SEL1L2: variants seen among roughly 807,000 people sequenced by gnomAD.
SEL1L2 encodes SEL1L2 adaptor subunit of SYVN1 ubiquitin ligase.
Under a neutral mutation model 98.8 loss-of-function variants are expected in SEL1L2, and 89 were observed. The observed-to-expected ratio is 0.90, with a 90% CI of 0.76 to 1.07. SEL1L2 has a LOEUF of 1.07. Among genes scored for constraint, SEL1L2 ranks in the 50% least tolerant of loss-of-function variants. The pLI is 0.00. For synonymous variants in SEL1L2, 262 were observed against 278.5 expected (o/e 0.94, Z 0.59); for missense variants, 788 against 812.0 (o/e 0.97, Z 0.36).
chr20:13,934,773 C>T (rs1292166840), intron 2 of SEL1L2, among the ~76,000 whole-genome samples: 10 of 151,544 alleles, frequency 6.6e-5, no homozygotes, highest in Admixed American at 3.3e-4. Context: ...ATGCCAACAT[C>T]TGTTTTTTTT....
upstream of SEL1L2, among the ~76,000 whole-genome samples, chr20:13,994,238 G>C (rs1187925198): frequency 7.0e-6 from 1 of 142,192 alleles, no homozygotes; most frequent in Non-Finnish European, 1.5e-5. Flanking sequence ...AGAGGTTGCA[G>C]TGAGCTGAGA....
At position 13,963,427 on chromosome 20, in the gene SEL1L2, T is replaced by C. The variant is rs1047313179; in HGVS notation, c.59-7296A>G. Among the ~76,000 whole-genome samples, 51 of 101,548 alleles carry C rather than the reference T, an allele frequency of 5.0e-4. No individual in the cohort carries two copies. In the Admixed American group the frequency reaches 5.4e-3, roughly 11 times the overall value. The allele number at this position is 101,548 out of a possible 152,430, so 66.6% of individuals were successfully genotyped here. On this transcript the variant is annotated intron_variant, in intron 1 of 19. Transcript: ENST00000284951. ...AAAAAAAAAAAAAAAAAAATCAGAGTAACAATAGGCCAGGTGCGGTGGCTC... is the reference window on the plus strand; with the variant it reads ...AAAAAAAAAAAAAAAAAAATCAGAGCAACAATAGGCCAGGTGCGGTGGCTC...
intron 5 of SEL1L2, among the ~76,000 whole-genome samples, chr20:13,901,648 T>TA (rs200610526): frequency 0.012 from 1,799 of 151,958 alleles, 35 homozygotes; most frequent in African/African-American, 0.041. Flanking sequence ...TTTTTTAAAT[T>TA]TTTTTTGCAA....
chr20:13,955,987 T>C (rs2050518048), intron 2 of SEL1L2, 89 bp downstream of exon 2: 25 of 710,384 alleles, frequency 3.5e-5, no homozygotes, highest in Admixed American at 7.6e-5. Context: ...AAAGAGACAA[T>C]AGTTAATAAT....
chr20:13,863,225 G>A (rs1990453699), intron 17 of SEL1L2, among the ~76,000 whole-genome samples: 1 of 152,150 alleles, frequency 6.6e-6, no homozygotes, highest in African/African-American at 2.4e-5. Flanking sequence ...TTCCTCCTGG[G>A]CTATAACCAC....
chr20:13,922,468 T>C (rs748217408), intron 3 of SEL1L2, among the ~76,000 whole-genome samples: 1 of 152,232 alleles, frequency 6.6e-6, no homozygotes, highest in South Asian at 2.1e-4. Flanking sequence ...TGTATCTTCC[T>C]GACACACATA....
At chr20:13,941,797 A>C (rs2049790609) in intron 2 of SEL1L2, among the ~76,000 whole-genome samples, 1 of 152,204 alleles carries the variant, frequency 6.6e-6, no homozygotes, top group Non-Finnish European at 1.5e-5. Context: ...GTCATATTTG[A>C]TATGGAATGG....
At chr20:13,920,997 A>T (rs2048642703) in intron 3 of SEL1L2, among the ~76,000 whole-genome samples, 1 of 152,180 alleles carries the variant, frequency 6.6e-6, no homozygotes, top group Non-Finnish European at 1.5e-5. Flanking sequence ...TAATGGAGAA[A>T]ACCTAATAAT....
chr20:13,909,899 A>C (rs546313131), intron 5 of SEL1L2, among the ~76,000 whole-genome samples: 1 of 151,810 alleles, frequency 6.6e-6, no homozygotes, highest in African/African-American at 2.4e-5. Context: ...TGAACCTGGG[A>C]GGTGGAGGTT....
Position 13,866,643 on chromosome 20 carries a change from T to A in SEL1L2, c.1404+59A>T, listed in dbSNP as rs1471157282. On this transcript the variant is annotated intron_variant, in intron 15 of 19. Coordinates refer to ENST00000284951, the MANE Select transcript of SEL1L2 (RefSeq NM_025229.2). ...AGACACCAACAATTTAAGAACAGTA[T>A]CACCTCCTCTGTGTCATATATGACA... The A allele has an allele frequency of 5.3e-6, 7 of 1,328,716 alleles. No individual in the cohort carries two copies. In the East Asian group the frequency reaches 1.9e-4, roughly 36 times the overall value. 82.3% of individuals were successfully genotyped at this position (1,328,716 alleles called of 1,614,324 possible). A position where few individuals can be genotyped will look rare whatever the true frequency, so the allele number is the denominator to read the frequency against.
chr20:13,853,828 A>G (rs1241917371), intron 18 of SEL1L2, among the ~76,000 whole-genome samples: 1 of 152,220 alleles, frequency 6.6e-6, no homozygotes, highest in East Asian at 1.9e-4. Context: ...CCACTATACA[A>G]TAACGTATAT....
rs772081288 is a variant in SEL1L2, at chr20:13,931,607, A to T, written c.279T>A (p.Asn93Lys). Reference sequence around the variant, plus strand: ...GTGAAAAGATATTCTACTTACAATGATTCTTATTTCTCTTCAAGATATCTT... The same window carrying T: ...GTGAAAAGATATTCTACTTACAATGTTTCTTATTTCTCTTCAAGATATCTT... ...QNKDILKRNK[N>K]HLQKQAEKNF... The change falls in exon 3 of 20, where the codon AAT (asparagine) becomes AAA (lysine). Residue 93 changes from asparagine (N) to lysine (K), a missense_variant. By Grantham distance (94) the Asn-to-Lys change is moderately conservative. Transcript: ENST00000284951. The T allele has an allele frequency of 2.6e-5, 36 of 1,372,982 alleles. No individual in the cohort carries two copies. Among genetic ancestry groups the T allele is most frequent in the Non-Finnish European group, 3.5e-5 (35 of 1,008,330 alleles). 85.0% of individuals were successfully genotyped at this position (1,372,982 alleles called of 1,614,324 possible).
At chr20:13,914,100 T>G (rs2048309408) in intron 4 of SEL1L2, among the ~76,000 whole-genome samples, 156 bp from the exon 5 acceptor site, 1 of 152,208 alleles carries the variant, frequency 6.6e-6, no homozygotes, top group Non-Finnish European at 1.5e-5. Context: ...TAGATTTTTT[T>G]CATTCCTAAA....
intron 4 of SEL1L2, 68 bp downstream of exon 4, chr20:13,918,953 A>G (rs2048528613): frequency 4.8e-6 from 5 of 1,044,118 alleles, no homozygotes; most frequent in Non-Finnish European, 7.3e-6. Context: ...GATAAACTAC[A>G]TTTGGGATTT....
At chr20:13,941,163 A>G (rs1329455053) in intron 2 of SEL1L2, among the ~76,000 whole-genome samples, 1 of 152,162 alleles carries the variant, frequency 6.6e-6, no homozygotes, top group Admixed American at 6.5e-5. Context: ...CAACAGAAAT[A>G]AAAGACACGA....
intron 1 of SEL1L2, among the ~76,000 whole-genome samples, chr20:13,987,326 TTTTTTG>T (rs2052262377): frequency 7.0e-6 from 1 of 142,290 alleles, no homozygotes; most frequent in African/African-American, 2.6e-5. Flanking sequence ...TTTTTTTTTT[TTTTTTG>T]TTGTTGTTGT....
chr20:13,907,435 G>GGCCTATGCTTGCAGTCCTA (rs887354900), intron 5 of SEL1L2, among the ~76,000 whole-genome samples: 1 of 152,098 alleles, frequency 6.6e-6, no homozygotes, highest in Non-Finnish European at 1.5e-5. Context: ...CTGGTGTGGT[G>GGCCTATGCTTGCAGTCCTA]GCCTATGCTT....
At chr20:13,946,344 A>G (rs2050006338) in intron 2 of SEL1L2, among the ~76,000 whole-genome samples, 1 of 152,218 alleles carries the variant, frequency 6.6e-6, no homozygotes, top group South Asian at 2.1e-4. Flanking sequence ...ATATACTACA[A>G]ATGAAGAAGC....
At chr20:13,851,865 G>C (rs570759276) in intron 18 of SEL1L2, among the ~76,000 whole-genome samples, 1 of 151,458 alleles carries the variant, frequency 6.6e-6, no homozygotes, top group Admixed American at 6.6e-5. Flanking sequence ...TTTGCGGGGG[G>C]TGGGGGTGAT....
Sources: allele counts gnomAD v4.1 joint callset (sites outside exome capture counted in the v4.1 genomes callset), GRCh38; gene constraint gnomAD v4.1.1; transcripts MANE v1.5; gene names NCBI Gene and HGNC (gene_info 2026-07-23, HGNC 2026-07-21).